Variants in ASCC2 observed in about 807,000 individuals in gnomAD.
ASCC2 encodes ASC-1 complex subunit P100.
A neutral mutation model predicts 93.5 loss-of-function variants in ASCC2; 42 were observed. The ratio of observed to expected loss-of-function variants is 0.45; its 90% CI spans 0.35 to 0.58. The LOEUF (loss-of-function observed/expected upper bound fraction) is 0.58. Ranked by LOEUF, ASCC2 falls within the 20% of genes least tolerant of loss-of-function variation. ASCC2 has a pLI of 0.00. For missense variants in ASCC2, 859 were observed against 977.6 expected, an observed-to-expected ratio of 0.88 and a Z score of 1.62; for synonymous variants, 364 against 384.2, an observed-to-expected ratio of 0.95 and a Z score of 0.62.
intron 17 of ASCC2, 44 bp downstream of exon 17, chr22:29,793,316 G>C (rs1463575677): frequency 1.9e-6 from 3 of 1,608,534 alleles, no homozygotes; most frequent in Non-Finnish European, 2.5e-6. Context: ...CCATGGGCCT[G>C]AGAGCTGCTC....
intron 9 of ASCC2, among the ~76,000 whole-genome samples, chr22:29,807,235 C>CAA (rs553545816): frequency 0.024 from 1,083 of 45,292 alleles, 38 homozygotes; most frequent in African/African-American, 0.06. Context: ...GACCCTGTCT[C>CAA]AAAAAAAAAA....
chr22:29,813,122 C>A (rs1569401028), intron 8 of ASCC2, among the ~76,000 whole-genome samples: 1 of 152,100 alleles, frequency 6.6e-6, no homozygotes, highest in Non-Finnish European at 1.5e-5. Context: ...CTCAGGTGAT[C>A]CACCCGCCTC....
chr22:29,831,610 G>C (rs2063153008), intron 2 of ASCC2, among the ~76,000 whole-genome samples: 1 of 152,148 alleles, frequency 6.6e-6, no homozygotes, highest in Non-Finnish European at 1.5e-5. Flanking sequence ...CCTTGTTCAA[G>C]TGAGCTCAAA....
Position 29,825,014 on chromosome 22 carries a change from TC to T in ASCC2, c.411+72del. The T allele has an allele frequency of 7.8e-7, 1 of 1,275,242 alleles. No individual in the cohort carries two copies. Among genetic ancestry groups the T allele is most frequent in the East Asian group, 2.8e-5 (1 of 35,858 alleles). The allele number at this position is 1,275,242 out of a possible 1,614,324, so 79.0% of individuals were successfully genotyped here. ...AACTCAATGCTTCCAGAGCCTTCCTTCCCAGGGGTGGAGAGCCCGGCACAGA... is the reference window on the plus strand; with the variant it reads ...AACTCAATGCTTCCAGAGCCTTCCTTCCAGGGGTGGAGAGCCCGGCACAGA... On this transcript the variant is annotated intron_variant, in intron 4 of 19. Transcript: ENST00000307790. This position sits in a 1 kb window ranked among gnomAD's most constrained non-coding sequence, Gnocchi z 4.9.
intron 5 of ASCC2, among the ~76,000 whole-genome samples, chr22:29,816,426 C>T (rs2060861980): frequency 6.6e-6 from 1 of 152,194 alleles, no homozygotes; most frequent in Non-Finnish European, 1.5e-5. Context: ...ACAGCTTTGG[C>T]TCTGCAAGTT....
intron 5 of ASCC2, among the ~76,000 whole-genome samples, chr22:29,818,865 G>A (rs2061217550): frequency 6.6e-6 from 1 of 152,026 alleles, no homozygotes; most frequent in East Asian, 1.9e-4. Flanking sequence ...ACCTGTTCCA[G>A]CTGACCTCAC....
intron 4 of ASCC2, among the ~76,000 whole-genome samples, 158 bp from the exon 5 acceptor site, chr22:29,822,622 CT>C (rs904304975): frequency 3.8e-3 from 519 of 136,494 alleles, no homozygotes; most frequent in Middle Eastern, 4.1e-3. Context: ...TCCCCCCGCC[CT>C]TTTTTTTTTT....
At chr22:29,836,163 G>T (rs1324471259) in intron 1 of ASCC2, among the ~76,000 whole-genome samples, 2 of 152,066 alleles carry the variant, frequency 1.3e-5, no homozygotes, top group Non-Finnish European at 2.9e-5. Flanking sequence ...TGTCTAAAAA[G>T]TGTGGCTTTG....
At chr22:29,797,398 C>A (rs1258706378) in intron 15 of ASCC2, among the ~76,000 whole-genome samples, 1 of 152,204 alleles carries the variant, frequency 6.6e-6, no homozygotes, top group Non-Finnish European at 1.5e-5. Context: ...AAGCAACAGA[C>A]TCCTACTTTT....
chr22:29,827,558 C>G (rs757866365), intron 2 of ASCC2: 9 of 470,920 alleles, frequency 1.9e-5, no homozygotes, highest in South Asian at 1.4e-4. Flanking sequence ...AGGACCCCCT[C>G]CCATTTAAAT....
chr22:29,809,140 A>T (rs1229955193), intron 8 of ASCC2, among the ~76,000 whole-genome samples: 2 of 148,370 alleles, frequency 1.3e-5, no homozygotes, highest in African/African-American at 5.0e-5. Context: ...AAAAAAAAAA[A>T]ATTTAACATG....
chr22:29,837,073 C>T (rs887610432), intron 1 of ASCC2, among the ~76,000 whole-genome samples: 4 of 152,118 alleles, frequency 2.6e-5, no homozygotes, highest in African/African-American at 9.7e-5. Flanking sequence ...AAAAGAGAGA[C>T]CTGGCTTGAG....
intron 1 of ASCC2, among the ~76,000 whole-genome samples, chr22:29,835,598 C>T (rs1170755459): frequency 1.3e-5 from 2 of 152,082 alleles, no homozygotes; most frequent in East Asian, 3.9e-4. Context: ...ACCTCTCTAA[C>T]TTTTGATTGC....
At chr22:29,819,160 C>T (rs957708600) in intron 5 of ASCC2, among the ~76,000 whole-genome samples, 2 of 152,146 alleles carry the variant, frequency 1.3e-5, no homozygotes, top group Admixed American at 6.6e-5. Flanking sequence ...ATCTCAACAA[C>T]CCAATTTGTT....
At chr22:29,810,447 T>A (rs978789776) in intron 8 of ASCC2, among the ~76,000 whole-genome samples, 1 of 152,218 alleles carries the variant, frequency 6.6e-6, no homozygotes, top group African/African-American at 2.4e-5. Context: ...CAATGCTATA[T>A]GTAACAAAGG....
intron 15 of ASCC2, among the ~76,000 whole-genome samples, chr22:29,798,236 C>T (rs956042953): frequency 3.3e-5 from 5 of 152,186 alleles, no homozygotes; most frequent in African/African-American, 1.2e-4. Flanking sequence ...TCCAAACAGA[C>T]CCTACATTTT....
At chr22:29,822,701 G>T (rs1414977022) in intron 4 of ASCC2, among the ~76,000 whole-genome samples, 1 of 144,534 alleles carries the variant, frequency 6.9e-6, no homozygotes, top group African/African-American at 2.6e-5. Context: ...TTTACAACTG[G>T]CTGTATTATC....
At chr22:29,829,797 A>T (rs888443846) in intron 2 of ASCC2, among the ~76,000 whole-genome samples, 4 of 152,040 alleles carry the variant, frequency 2.6e-5, no homozygotes, top group African/African-American at 9.7e-5. Flanking sequence ...TGCTGGGATT[A>T]CAGGCGTGAG....
At chr22:29,806,175 C>A in intron 12 of ASCC2, 41 bp downstream of exon 12, 1 of 1,600,454 alleles carries the variant, frequency 6.2e-7, no homozygotes, top group South Asian at 1.1e-5. Flanking sequence ...CTGACCTAGT[C>A]AAGCTGGGCC....
Sources: allele counts gnomAD v4.1 joint callset (sites outside exome capture counted in the v4.1 genomes callset), GRCh38; gene constraint gnomAD v4.1.1; non-coding constraint Gnocchi (gnomAD v3.1); transcripts MANE v1.5; gene names NCBI Gene and HGNC (gene_info 2026-07-23, HGNC 2026-07-21).